ESR1: variants seen among roughly 807,000 people sequenced by gnomAD.
ESR1 encodes estrogen receptor.
ESR1 carries 12 observed loss-of-function variants against 52.7 expected under a neutral mutation model. That is an observed-to-expected ratio of 0.23 (90% CI 0.15 to 0.37). ESR1 has a LOEUF of 0.37. Among genes scored for constraint, ESR1 ranks in the 10% least tolerant of loss-of-function variants. ESR1 has a pLI of 1.00. For synonymous variants in ESR1, 305 were observed against 316.8 expected (o/e 0.96, Z 0.39); for missense variants, 584 against 779.7 (o/e 0.75, Z 2.99).
chr6:151,917,070 A>G (rs536193780), intron 3 of ESR1, among the ~76,000 whole-genome samples: 17 of 152,312 alleles, frequency 1.1e-4, no homozygotes, highest in African/African-American at 4.1e-4. Context: ...TGGTGACTCA[A>G]GCAATCCTGG....
intron 4 of ESR1, among the ~76,000 whole-genome samples, chr6:151,953,620 C>T (rs913443690): frequency 2.6e-5 from 4 of 151,872 alleles, no homozygotes; most frequent in Non-Finnish European, 5.9e-5. Flanking sequence ...ACTCGGGAGG[C>T]TGAGCGGGGA....
chr6:152,103,798 C>A (rs532039081), downstream of ESR1, among the ~76,000 whole-genome samples: 1 of 152,076 alleles, frequency 6.6e-6, no homozygotes. Flanking sequence ...TTGGTCCACC[C>A]CCACCCCAGG....
intron 4 of ESR1, among the ~76,000 whole-genome samples, chr6:151,971,611 A>C (rs775310135): frequency 6.6e-6 from 1 of 152,342 alleles, no homozygotes; most frequent in South Asian, 2.1e-4. Flanking sequence ...GAGCTGAATG[A>C]TAATAGCGAT....
intron 5 of ESR1, among the ~76,000 whole-genome samples, chr6:152,045,156 G>A (rs2046126313): frequency 6.6e-6 from 1 of 152,206 alleles, no homozygotes; most frequent in African/African-American, 2.4e-5. Context: ...ACATGGAGAA[G>A]CAGAAGGGAC....
chr6:151,980,623 A>G (rs901711501), intron 4 of ESR1, among the ~76,000 whole-genome samples: 1 of 152,192 alleles, frequency 6.6e-6, no homozygotes, highest in African/African-American at 2.4e-5. Flanking sequence ...TAGACCAGCC[A>G]TCTGCATCAT....
intron 2 of ESR1, among the ~76,000 whole-genome samples, chr6:151,757,799 G>A (rs1196697984): frequency 6.6e-6 from 1 of 152,192 alleles, no homozygotes; most frequent in African/African-American, 2.4e-5. Context: ...GAGGGGTGTG[G>A]TGTGTGAAAC....
Position 151,658,073 on chromosome 6 carries a change from G to T in ESR1, n.73+1310G>T, listed in dbSNP as rs190092671. On this transcript the variant is annotated intron_variant and non_coding_transcript_variant, in intron 1 of 2. Transcript: ENST00000473497. ...TATGCTATGCCTTACTCTCCAATTAGATTTTAGCCATCCAAGAAAGGTACC... is the reference window on the plus strand; with the variant it reads ...TATGCTATGCCTTACTCTCCAATTATATTTTAGCCATCCAAGAAAGGTACC... Among the ~76,000 whole-genome samples the T allele has an allele frequency of 3.3e-3, 508 of 152,202 alleles. 2 individuals carry two copies. Among genetic ancestry groups the T allele is most frequent in the Non-Finnish European group, 5.8e-3 (395 of 68,016 alleles).
intron 1 of ESR1, among the ~76,000 whole-genome samples, chr6:151,834,700 A>T (rs116276584): frequency 0.048 from 7,181 of 149,750 alleles, 566 homozygotes; most frequent in African/African-American, 0.16. Flanking sequence ...AAGTATAATT[A>T]AAAAAAAAAG....
At chr6:151,661,939 C>T (rs1777651898) in intron 1 of ESR1, among the ~76,000 whole-genome samples, 1 of 152,162 alleles carries the variant, frequency 6.6e-6, no homozygotes, top group South Asian at 2.1e-4. Context: ...TCAATTAAAC[C>T]TCTTTTCTTT....
intron 3 of ESR1, among the ~76,000 whole-genome samples, chr6:151,916,934 C>T (rs34923818): frequency 0.01 from 1,550 of 152,244 alleles, 18 homozygotes; most frequent in African/African-American, 0.036. Flanking sequence ...ATATGATGTG[C>T]ACCCGCTTGA....
chr6:152,085,201 G>A (rs1407673513), intron 6 of ESR1, among the ~76,000 whole-genome samples: 2 of 152,244 alleles, frequency 1.3e-5, no homozygotes, highest in East Asian at 3.9e-4. Context: ...TACTTGAGAG[G>A]CTGAGGTGGG....
intron 6 of ESR1, among the ~76,000 whole-genome samples, chr6:152,109,263 T>C (rs2152513143): frequency 6.6e-6 from 1 of 152,312 alleles, no homozygotes; most frequent in South Asian, 2.1e-4. Context: ...AGGACACAGA[T>C]CCAAACTACA....
chr6:152,094,256 C>G lies in ESR1; in HGVS notation c.1370-129C>G, dbSNP rs965347106. The stretch of plus-strand genomic sequence containing the variant: ...AACCCGGTTTTAAATGGGTCCAGAG[C>G]ATCCCCATTGCTAGACTACTGTGCT... On this transcript the variant is annotated intron_variant, in intron 6 of 7. Transcript: ENST00000206249. The surrounding 1 kb of genome is among the most constrained non-coding windows in gnomAD (Gnocchi z 4.6). 7.2e-6 allele frequency: 6 copies of G among 832,920 alleles called. No homozygotes were observed. In the Admixed American group the frequency reaches 1.0e-4, roughly 14 times the overall value. 51.6% of individuals were successfully genotyped at this position (832,920 alleles called of 1,614,324 possible). A position where few individuals can be genotyped will look rare whatever the true frequency, so the allele number is the denominator to read the frequency against.
intron 6 of ESR1, among the ~76,000 whole-genome samples, chr6:152,112,323 G>A (rs2051155205): frequency 6.6e-6 from 1 of 152,190 alleles, no homozygotes; most frequent in Non-Finnish European, 1.5e-5. Flanking sequence ...TTGCTTAGAA[G>A]CAGAAAGTTA....
intron 3 of ESR1, among the ~76,000 whole-genome samples, chr6:151,909,691 A>G (rs1797970711): frequency 2.0e-5 from 3 of 152,146 alleles, no homozygotes; most frequent in Non-Finnish European, 2.9e-5. Context: ...AGGTGCACCT[A>G]GGAAGGCTTG....
At chr6:151,853,595 C>T (rs941978936) in intron 2 of ESR1, among the ~76,000 whole-genome samples, 1 of 152,056 alleles carries the variant, frequency 6.6e-6, no homozygotes, top group Admixed American at 6.6e-5. Flanking sequence ...AGTATAGAAC[C>T]CCTATTTCTT....
intron 2 of ESR1, among the ~76,000 whole-genome samples, chr6:151,724,062 C>T (rs908618465): frequency 2.0e-5 from 3 of 152,072 alleles, no homozygotes; most frequent in South Asian, 2.1e-4. Context: ...GTGGAACCCA[C>T]GCCTGTGGGG....
chr6:152,096,643 A>T (rs753104396), intron 7 of ESR1: 6 of 455,934 alleles, frequency 1.3e-5, no homozygotes, highest in Non-Finnish European at 2.6e-5. Context: ...AGGTGATTGC[A>T]ATCTCTGTTC....
At chr6:151,732,534 T>TTGTGTGTGTG (rs3036504) in intron 2 of ESR1, among the ~76,000 whole-genome samples, 3,481 of 148,830 alleles carry the variant, frequency 0.023, 38 homozygotes, top group Non-Finnish European at 0.028. Flanking sequence ...GTGTGTGTGT[T>TTGTGTGTGTG]TGTGTGTGTG....
Sources: gnomAD v4.1 joint callset for allele counts (sites outside exome capture counted in the v4.1 genomes callset) on GRCh38, gnomAD v4.1.1 for gene constraint, Gnocchi (gnomAD v3.1) non-coding constraint, MANE v1.5 for transcripts, NCBI Gene and HGNC (gene_info 2026-07-23, HGNC 2026-07-21) for gene names.